ACYP2: variants seen among roughly 807,000 people sequenced by gnomAD.
The protein encoded by ACYP2 is acylphosphatase 2.
In ACYP2, 12 loss-of-function variants were observed where a neutral mutation model predicts 11.2. That is an observed-to-expected ratio of 1.08 (90% CI 0.69 to 1.74). The LOEUF is 1.74. Among genes scored for constraint, ACYP2 ranks in the 40% most tolerant of loss-of-function variants. The pLI, the probability that ACYP2 is intolerant of heterozygous loss-of-function variation, is 0.00. For missense variants in ACYP2, 134 were observed against 101.9 expected (o/e 1.31, Z -1.35); for synonymous variants, 43 against 32.2 (o/e 1.33, Z -1.13).
At chr2:54,138,837 G>C (rs1282058455) in intron 6 of ACYP2, 89 bp downstream of exon 3, 1 of 1,061,530 alleles carries the variant, frequency 9.4e-7, no homozygotes, top group Middle Eastern at 2.6e-4. Context: ...CTGTTGCCCA[G>C]GTTGGAGTGC....
At chr2:54,088,796 G>A (rs1363127591) in intron 4 of ACYP2, among the ~76,000 whole-genome samples, 5 of 152,170 alleles carry the variant, frequency 3.3e-5, no homozygotes, top group Admixed American at 2.6e-4. Context: ...ATTTCAGATT[G>A]GGGAAAGGTT....
intron 4 of ACYP2, among the ~76,000 whole-genome samples, chr2:54,114,338 C>T (rs928595796): frequency 6.9e-6 from 1 of 145,918 alleles, no homozygotes; most frequent in Non-Finnish European, 1.5e-5. Context: ...CAGCCTTAAC[C>T]TTCTAGGCAA....
intron 2 of ACYP2, among the ~76,000 whole-genome samples, chr2:54,041,195 C>T (rs1461843233): frequency 6.6e-6 from 1 of 152,002 alleles, no homozygotes; most frequent in Non-Finnish European, 1.5e-5. Flanking sequence ...AATCTGCCTG[C>T]CTCAGCCTCC....
intron 6 of ACYP2, among the ~76,000 whole-genome samples, chr2:54,161,695 A>C (rs1682717767): frequency 6.6e-6 from 1 of 152,234 alleles, no homozygotes; most frequent in African/African-American, 2.4e-5. Context: ...ACATTATGAA[A>C]AAGTCAGTTC....
At chr2:54,278,140 G>A (rs1170079077) in intron 6 of ACYP2, among the ~76,000 whole-genome samples, 2 of 152,066 alleles carry the variant, frequency 1.3e-5, no homozygotes, top group African/African-American at 4.8e-5. Flanking sequence ...ACCATGCCGA[G>A]CTAATTTTTT....
rs184615006 is a variant in ACYP2, at chr2:54,250,205, C to T, written c.405-54483C>T. On this transcript the variant is annotated intron_variant, in intron 6 of 6. Transcript: ENST00000607452. ...TTAAGTATCTTCTATCTCAGCCAGG[C>T]GTGGTGGCTCACGCTATAATCCCAG... is the stretch of plus-strand genomic sequence containing the variant. Among the ~76,000 whole-genome samples, 299 of 152,250 alleles carry T rather than the reference C, an allele frequency of 2.0e-3. 3 individuals are homozygous for T. Among genetic ancestry groups the T allele is most frequent in the Non-Finnish European group, 1.0e-3 (70 of 68,022 alleles).
intron 6 of ACYP2, among the ~76,000 whole-genome samples, chr2:54,157,429 C>G (rs1682482215): frequency 6.6e-6 from 1 of 152,076 alleles, no homozygotes; most frequent in African/African-American, 2.4e-5. Context: ...GATTTATAGA[C>G]AAATTATAAT....
intron 3 of ACYP2, among the ~76,000 whole-genome samples, chr2:54,055,810 AAGTT>A (rs1265960763): frequency 6.6e-6 from 1 of 152,262 alleles, no homozygotes; most frequent in Non-Finnish European, 1.5e-5. Flanking sequence ...TTGAATTCTG[AAGTT>A]AGAGAAATAT....
chr2:54,094,111 G>C (rs970174169), intron 4 of ACYP2, among the ~76,000 whole-genome samples: 3 of 152,154 alleles, frequency 2.0e-5, no homozygotes, highest in Non-Finnish European at 4.4e-5. Context: ...ACAAAAAAGT[G>C]GTTAATTCTG....
chr2:54,299,336 G>C (rs368120654), intron 6 of ACYP2, among the ~76,000 whole-genome samples: 9 of 151,892 alleles, frequency 5.9e-5, no homozygotes, highest in African/African-American at 2.2e-4. Context: ...GCTCATGCCT[G>C]TAATCCCAGC....
At chr2:54,289,907 T>C (rs1005848786) in intron 6 of ACYP2, among the ~76,000 whole-genome samples, 3 of 152,046 alleles carry the variant, frequency 2.0e-5, no homozygotes, top group Non-Finnish European at 4.4e-5. Flanking sequence ...CCACATGTAG[T>C]ATGCTCAATA....
At chr2:54,135,720 A>T (rs1422732375) in intron 5 of ACYP2, among the ~76,000 whole-genome samples, 1 of 152,200 alleles carries the variant, frequency 6.6e-6, no homozygotes, top group Non-Finnish European at 1.5e-5. Flanking sequence ...GGTGATTTTA[A>T]TGAAACGCTT....
Position 54,043,072 on chromosome 2 carries a change from GGT to G in ACYP2, c.63-7861_63-7860del, listed in dbSNP as rs58940352. On this transcript the variant is annotated intron_variant, in intron 2 of 6. Transcript: ENST00000607452. ...CTTGGTTAATATGGGGTGTGTGTGGGGTGTGTGTGTGTGTGTGTGTGTGTGTC... is the reference window on the plus strand; with the variant it reads ...CTTGGTTAATATGGGGTGTGTGTGGGGTGTGTGTGTGTGTGTGTGTGTGTC... 2.6e-3 allele frequency among the ~76,000 whole-genome samples: 380 copies of G among 148,634 alleles called. 4 individuals are homozygous for G. The highest frequency in any genetic ancestry group is 8.9e-3 in the East Asian group (45 of 5,082).
At chr2:54,101,362 G>A (rs893672067) in intron 4 of ACYP2, among the ~76,000 whole-genome samples, 3 of 152,118 alleles carry the variant, frequency 2.0e-5, no homozygotes, top group African/African-American at 7.2e-5. Flanking sequence ...CCCCTTGGGA[G>A]AGATTTATAA....
intron 4 of ACYP2, among the ~76,000 whole-genome samples, chr2:54,096,046 C>G: frequency 1.0e-5 from 1 of 100,322 alleles, no homozygotes; most frequent in South Asian, 4.4e-4. Context: ...GCTGGCCGGG[C>G]GGGGGGCTGA....
chr2:54,285,555 A>C (rs957788240), intron 6 of ACYP2, among the ~76,000 whole-genome samples: 4 of 152,134 alleles, frequency 2.6e-5, no homozygotes, highest in African/African-American at 9.7e-5. Flanking sequence ...AAAACAGAAC[A>C]CTCAATTTCC....
chr2:54,125,836 C>T (rs988020883), intron 4 of ACYP2, among the ~76,000 whole-genome samples: 3 of 152,096 alleles, frequency 2.0e-5, no homozygotes, highest in Non-Finnish European at 4.4e-5. Flanking sequence ...AATCCCAGCA[C>T]TTTGGGGGGC....
intron 6 of ACYP2, among the ~76,000 whole-genome samples, chr2:54,140,538 A>ATG (rs1681546913): frequency 4.0e-5 from 6 of 151,426 alleles, no homozygotes; most frequent in Non-Finnish European, 7.4e-5. Flanking sequence ...TCACACACAC[A>ATG]CACACACACA....
intron 2 of ACYP2, among the ~76,000 whole-genome samples, chr2:54,000,573 C>A (rs1672752442): frequency 6.6e-6 from 1 of 152,178 alleles, no homozygotes; most frequent in African/African-American, 2.4e-5. Flanking sequence ...AGACTTGAAA[C>A]AACAAATTAA....
Sources: gnomAD v4.1 joint callset for allele counts (sites outside exome capture counted in the v4.1 genomes callset) on GRCh38, gnomAD v4.1.1 for gene constraint, MANE v1.5 for transcripts, NCBI Gene and HGNC (gene_info 2026-07-23, HGNC 2026-07-21) for gene names.